The following GAB2 variants were observed in gnomAD, a reference collection of about 807,000 sequenced individuals.
GAB2 encodes GRB2 associated binding protein 2, also known as GRB2-associated-binding protein 2.
GAB2 carries 26 observed loss-of-function variants against 65.5 expected under a neutral mutation model. That is an observed-to-expected ratio of 0.40 (90% CI 0.29 to 0.55). The LOEUF is 0.55. Among genes scored for constraint, GAB2 ranks in the 20% least tolerant of loss-of-function variants. The probability of loss-of-function intolerance (pLI) is 0.53; values close to 1 mark genes in which losing one functional copy is unlikely to be tolerated. For synonymous variants in GAB2, 321 were observed against 329.6 expected, an observed-to-expected ratio of 0.97 and a Z score of 0.28; for missense variants, 884 against 875.8, an observed-to-expected ratio of 1.01 and a Z score of -0.12.
intron 1 of GAB2, among the ~76,000 whole-genome samples, chr11:78,362,824 TA>T: frequency 6.6e-6 from 1 of 152,214 alleles, no homozygotes; most frequent in East Asian, 1.9e-4. Flanking sequence ...CTGCTGCAGG[TA>T]TATGACTACC....
chr11:78,301,072 C>T (rs902098819), intron 1 of GAB2, among the ~76,000 whole-genome samples: 2 of 152,040 alleles, frequency 1.3e-5, no homozygotes, highest in Admixed American at 1.3e-4. Flanking sequence ...TGTCATTTAT[C>T]TTCTTTTGTG....
rs546360724 is a variant in GAB2 at position 78,292,612 on chromosome 11, C to T, written c.76-11711G>A. 4.6e-5 allele frequency among the ~76,000 whole-genome samples: 7 copies of T among 152,290 alleles called. No homozygotes were observed. In the South Asian group the frequency reaches 1.5e-3, roughly 32 times the overall value. ...TATATTTCAACACGAAGCTACTATGCCAGTCTCGTGTCCCATAATAGTTAA... is the reference window on the plus strand; with the variant it reads ...TATATTTCAACACGAAGCTACTATGTCAGTCTCGTGTCCCATAATAGTTAA... On this transcript the variant is annotated intron_variant, in intron 1 of 9. Transcript: ENST00000361507.
chr11:78,397,754 G>A (rs2135074451), intron 1 of GAB2, among the ~76,000 whole-genome samples: 1 of 152,146 alleles, frequency 6.6e-6, no homozygotes, highest in South Asian at 2.1e-4. Flanking sequence ...TCCCCACCAA[G>A]ACTATAAACT....
intron 1 of GAB2, among the ~76,000 whole-genome samples, chr11:78,414,748 T>C (rs761986825): frequency 2.0e-5 from 3 of 152,216 alleles, no homozygotes; most frequent in Non-Finnish European, 4.4e-5. Flanking sequence ...CTTATACTTA[T>C]ACTTAATTAA....
rs573972652 is a variant in GAB2 at position 78,413,096 on chromosome 11, A to G, written c.75+4550T>C. On this transcript the variant is annotated intron_variant, in intron 1 of 9. Transcript: ENST00000361507. ...TGAAGAGATGAACAAAGAAGAGTTT[A>G]GTTTTGGAAGTGGTGAGTTTGTGTT... 3.3e-5 allele frequency among the ~76,000 whole-genome samples: 5 copies of G among 152,346 alleles called. No individual in the cohort carries two copies. In the South Asian group the frequency reaches 1.0e-3, roughly 32 times the overall value.
In GAB2 at chr11:78,221,584, G is replaced by A. The variant is rs562342312; in HGVS notation, c.1761+93C>T. On this transcript the variant is annotated intron_variant, in intron 8 of 9. Transcript: ENST00000361507. Reference sequence around the variant, plus strand: ...GAATAATACAAGGAGTCCCTGGGCTGAGGTGAGTTAGCTAAGCTGGGAAGT... The same window carrying A: ...GAATAATACAAGGAGTCCCTGGGCTAAGGTGAGTTAGCTAAGCTGGGAAGT... The A allele has an allele frequency of 4.4e-6, 3 of 684,030 alleles. No homozygotes were observed. In the South Asian group the frequency reaches 5.7e-5, roughly 13 times the overall value. The allele number at this position is 684,030 out of a possible 1,614,324, so 42.4% of individuals were successfully genotyped here.
intron 1 of GAB2, among the ~76,000 whole-genome samples, chr11:78,307,174 G>A (rs1355898632): frequency 3.9e-5 from 6 of 152,242 alleles, no homozygotes; most frequent in African/African-American, 1.4e-4. Flanking sequence ...GTCACTAAGA[G>A]TAGCCCATGA....
intron 1 of GAB2, among the ~76,000 whole-genome samples, chr11:78,376,605 T>C (rs1463066705): frequency 6.6e-6 from 1 of 152,248 alleles, no homozygotes; most frequent in Admixed American, 6.5e-5. Flanking sequence ...CATTCTGTTC[T>C]GATTAAAAGT....
chr11:78,379,394 G>A (rs999513983), intron 1 of GAB2, among the ~76,000 whole-genome samples: 2 of 152,190 alleles, frequency 1.3e-5, no homozygotes, highest in Admixed American at 6.5e-5. Flanking sequence ...AATGTCCTTG[G>A]CTGTCTTTCT....
intron 2 of GAB2, among the ~76,000 whole-genome samples, chr11:78,261,062 T>C (rs1865714272): frequency 7.1e-6 from 1 of 140,318 alleles, no homozygotes; most frequent in South Asian, 2.2e-4. Context: ...TATATATGTA[T>C]GTATGTATAT....
intron 1 of GAB2, among the ~76,000 whole-genome samples, chr11:78,382,317 C>G (rs1856707780): frequency 6.6e-6 from 1 of 152,090 alleles, no homozygotes; most frequent in South Asian, 2.1e-4. Context: ...CCTGTAGGCA[C>G]TCAATAAAAG....
At chr11:78,220,219 T>A in intron 9 of GAB2, 100 bp downstream of exon 9, 2 of 1,241,660 alleles carry the variant, frequency 1.6e-6, no homozygotes, top group Non-Finnish European at 2.3e-6. Context: ...GGAGGGAGGC[T>A]GAGTGCTGCT....
intron 2 of GAB2, among the ~76,000 whole-genome samples, chr11:78,274,201 G>A (rs533560788): frequency 6.6e-6 from 1 of 152,252 alleles, no homozygotes; most frequent in South Asian, 2.1e-4. Flanking sequence ...TTGAAACTGG[G>A]AGGCCATGAT....
intron 2 of GAB2, among the ~76,000 whole-genome samples, chr11:78,274,965 C>A (rs529528141): frequency 1.3e-5 from 2 of 152,180 alleles, no homozygotes; most frequent in Non-Finnish European, 2.9e-5. Flanking sequence ...TGGGTCAAAT[C>A]GTTGTTGTTT....
rs552506908 is a variant in GAB2 at position 78,236,915 on chromosome 11, C to T, written c.621-9864G>A. Among the ~76,000 whole-genome samples, 10 of 152,248 alleles carry T rather than the reference C, an allele frequency of 6.6e-5. No homozygotes were observed. The South Asian group carries it at 2.1e-3, about 32-fold the overall frequency. On this transcript the variant is annotated intron_variant, in intron 3 of 9. Coordinates refer to ENST00000361507, the MANE Select transcript of GAB2 (RefSeq NM_080491.3). ...CCAAACAGACACATATAGATATACA[C>T]ACATACGTATTTAGTTGGATTCGAC...
rs1177943840 is a variant in GAB2, at chr11:78,347,713, C to G, written c.76-66812G>C. Among the ~76,000 whole-genome samples, 3 of 152,230 alleles carry G rather than the reference C, an allele frequency of 2.0e-5. No individual in the cohort carries two copies. In the East Asian group the frequency reaches 5.8e-4, roughly 29 times the overall value. ...AACATAGGAGAAAAATCTTTGTGAC[C>G]TTTAAGTAAACAAAAAGCATAAATC... On this transcript the variant is annotated intron_variant, in intron 1 of 9. Coordinates refer to ENST00000361507, the MANE Select transcript of GAB2 (RefSeq NM_080491.3).
intron 2 of GAB2, among the ~76,000 whole-genome samples, chr11:78,267,352 C>A (rs1337457365): frequency 6.6e-6 from 1 of 152,170 alleles, no homozygotes; most frequent in Non-Finnish European, 1.5e-5. Flanking sequence ...ACCAGTTAGT[C>A]CTGACACACG....
intron 1 of GAB2, among the ~76,000 whole-genome samples, chr11:78,328,334 G>A (rs748334779): frequency 3.9e-5 from 6 of 152,070 alleles, no homozygotes; most frequent in Admixed American, 2.6e-4. Flanking sequence ...ACTAAGCCGC[G>A]GAAGGCTTTT....
chr11:78,241,348 G>A (rs1044385205), intron 3 of GAB2, among the ~76,000 whole-genome samples: 3 of 152,142 alleles, frequency 2.0e-5, no homozygotes, highest in African/African-American at 7.2e-5. Context: ...TCTGGAAGAG[G>A]TGATCTTTCC....
Sources: allele counts gnomAD v4.1 joint callset (sites outside exome capture counted in the v4.1 genomes callset), GRCh38; gene constraint gnomAD v4.1.1; transcripts MANE v1.5; gene names NCBI Gene and HGNC (gene_info 2026-07-23, HGNC 2026-07-21).